Variants in PCDH9 observed in about 807,000 individuals in gnomAD.
The protein encoded by PCDH9 is protocadherin 9.
Under a neutral mutation model 70.6 loss-of-function variants are expected in PCDH9, and 24 were observed. The observed-to-expected ratio is 0.34, with a 90% CI of 0.25 to 0.48. The LOEUF (loss-of-function observed/expected upper bound fraction) is 0.48, where lower values mean the gene tolerates loss of function less well. PCDH9 is among the 20% of genes least tolerant of loss of function. The probability of loss-of-function intolerance (pLI) is 0.99; values close to 1 mark genes in which losing one functional copy is unlikely to be tolerated. For synonymous variants in PCDH9, 562 were observed against 558.5 expected (o/e 1.01, Z -0.09); for missense variants, 1,281 against 1,503.6 (o/e 0.85, Z 2.45).
intron 2 of PCDH9, among the ~76,000 whole-genome samples, chr13:67,066,574 C>T (rs1254338538): frequency 6.6e-6 from 1 of 152,096 alleles, no homozygotes; most frequent in Non-Finnish European, 1.5e-5. Context: ...GTAGAGAATG[C>T]ATGGTTCAAT....
intron 2 of PCDH9, among the ~76,000 whole-genome samples, chr13:67,158,114 C>G (rs762646115): frequency 6.6e-6 from 1 of 152,110 alleles, no homozygotes; most frequent in Non-Finnish European, 1.5e-5. Flanking sequence ...TGCAAGCTTT[C>G]GTGATACATA....
intron 4 of PCDH9, among the ~76,000 whole-genome samples, chr13:66,598,171 A>G (rs2138837178): frequency 6.6e-6 from 1 of 151,944 alleles, no homozygotes; most frequent in East Asian, 1.9e-4. Context: ...AGAAAATGGT[A>G]TGGAGTTCCT....
At chr13:66,440,495 C>T (rs1358497756) in intron 4 of PCDH9, among the ~76,000 whole-genome samples, 1 of 151,840 alleles carries the variant, frequency 6.6e-6, no homozygotes, top group Non-Finnish European at 1.5e-5. Flanking sequence ...CTACTAATAA[C>T]AAAATGTTGA....
chr13:66,560,694 G>A (rs1294014688), intron 4 of PCDH9, among the ~76,000 whole-genome samples: 1 of 152,132 alleles, frequency 6.6e-6, no homozygotes. Context: ...TTGGATTGGA[G>A]AATTGAAAAG....
At chr13:67,160,034 A>G (rs566643892) in intron 2 of PCDH9, among the ~76,000 whole-genome samples, 72 of 152,284 alleles carry the variant, frequency 4.7e-4, no homozygotes, top group African/African-American at 1.6e-3. Flanking sequence ...CAGCTCAGCG[A>G]CATTCTGAAG....
chr13:66,902,772 GCT>G (rs1340309309), intron 3 of PCDH9, among the ~76,000 whole-genome samples: 1 of 151,180 alleles, frequency 6.6e-6, no homozygotes, highest in Non-Finnish European at 1.5e-5. Context: ...CTTAAAAACG[GCT>G]CAGATAGTAA....
chr13:66,376,649 G>T (rs1268571161), intron 4 of PCDH9, among the ~76,000 whole-genome samples: 1 of 152,046 alleles, frequency 6.6e-6, no homozygotes, highest in African/African-American at 2.4e-5. Context: ...ATGTGTGACA[G>T]TTGAAGGGAA....
At position 67,170,881 on chromosome 13, in the gene PCDH9, C is replaced by T. The variant is rs556897587; in HGVS notation, c.3036+54524G>A. On this transcript the variant is annotated intron_variant, in intron 2 of 4. Coordinates refer to ENST00000377865, the MANE Select transcript of PCDH9 (RefSeq NM_203487.3). ...TGGAGGTTGCCGTGAGCCAAGATTG[C>T]GCCACTGCACTCCAGCCTCAGTGAC... Among the ~76,000 whole-genome samples the T allele has an allele frequency of 1.2e-4, 18 of 152,110 alleles. No individual in the cohort carries two copies. In the South Asian group the frequency reaches 2.9e-3, roughly 25 times the overall value.
chr13:67,119,639 C>T (rs2086840943), intron 2 of PCDH9, among the ~76,000 whole-genome samples: 1 of 152,176 alleles, frequency 6.6e-6, no homozygotes, highest in Admixed American at 6.5e-5. Context: ...TTGTTTTATG[C>T]TTTATTTTCA....
chr13:66,916,524 A>G lies in PCDH9; in HGVS notation c.3037-12919T>C, dbSNP rs2082559988. Among the ~76,000 whole-genome samples, 3 of 151,584 alleles carry G rather than the reference A, an allele frequency of 2.0e-5. No homozygotes were observed. The South Asian group carries it at 6.2e-4, about 31-fold the overall frequency. On this transcript the variant is annotated intron_variant, in intron 2 of 4. Coordinates refer to ENST00000377865, the MANE Select transcript of PCDH9 (RefSeq NM_203487.3). ...CAAAAGGGCCAATTGGATATTCTAA[A>G]AGATCAGCTAAAAAGGAGGATCTGG...
intron 3 of PCDH9, among the ~76,000 whole-genome samples, chr13:66,725,242 T>C (rs531659180): frequency 6.6e-6 from 1 of 152,212 alleles, no homozygotes; most frequent in African/African-American, 2.4e-5. Flanking sequence ...AGAATTTTAT[T>C]TAATTATGCT....
At chr13:67,182,738 G>T (rs528260441) in intron 2 of PCDH9, among the ~76,000 whole-genome samples, 1 of 151,990 alleles carries the variant, frequency 6.6e-6, no homozygotes, top group Non-Finnish European at 1.5e-5. Context: ...GTAGAATAGC[G>T]TTTACTAATT....
Position 67,227,510 on chromosome 13 carries a change from G to C in PCDH9, c.931C>G (p.Leu311Val). 1 of 1,613,634 alleles carries C rather than the reference G, an allele frequency of 6.2e-7. No homozygotes were observed. The highest frequency in any genetic ancestry group is 8.5e-7 in the Non-Finnish European group (1 of 1,179,592). The change falls in exon 2 of 5, where the codon CTG becomes GTG. Residue 311 changes from leucine (L) to valine (V), a missense_variant. By Grantham distance (32) the Leu-to-Val change is conservative. Transcript: ENST00000377865. The surrounding 1 kb of genome is among the most constrained non-coding windows in gnomAD (Gnocchi z 4.6). Reference protein sequence around the residue: ...RLFALNNTTGLITVQRSLDRE... With the variant: ...RLFALNNTTGVITVQRSLDRE... ...TCTAAGGACCTCTGAACTGTAATCA[G>C]CCCAGTAGTATTATTTAAAGCAAAG...
At chr13:67,034,709 T>C (rs918573967) in intron 2 of PCDH9, among the ~76,000 whole-genome samples, 1 of 151,808 alleles carries the variant, frequency 6.6e-6, no homozygotes, top group South Asian at 2.1e-4. Flanking sequence ...CAGGGGTATA[T>C]GTACAGGTTT....
At chr13:67,181,983 T>C (rs2088628215) in intron 2 of PCDH9, among the ~76,000 whole-genome samples, 3 of 152,180 alleles carry the variant, frequency 2.0e-5, no homozygotes, top group African/African-American at 7.2e-5. Flanking sequence ...TGACCAGTCC[T>C]TTGTGTCCTG....
chr13:66,485,928 A>G (rs1003526209), intron 4 of PCDH9, among the ~76,000 whole-genome samples: 6 of 151,998 alleles, frequency 3.9e-5, no homozygotes, highest in African/African-American at 1.2e-4. Flanking sequence ...GGGTTTCACC[A>G]TGTTGGCCAC....
intron 2 of PCDH9, among the ~76,000 whole-genome samples, chr13:67,073,508 A>T (rs2138161601): frequency 6.6e-6 from 1 of 152,240 alleles, no homozygotes; most frequent in South Asian, 2.1e-4. Context: ...GCAAAAAAAA[A>T]ATGTGTGAAT....
chr13:66,812,991 C>A (rs543602128), intron 3 of PCDH9, among the ~76,000 whole-genome samples: 1 of 152,256 alleles, frequency 6.6e-6, no homozygotes, highest in Non-Finnish European at 1.5e-5. Context: ...TCCAAAAGAG[C>A]AAACCACTCT....
Position 67,227,607 on chromosome 13 carries a change from A to G in PCDH9, c.834T>C (p.Asp278=). 1 of 1,614,114 alleles carries G rather than the reference A, an allele frequency of 6.2e-7. No individual in the cohort carries two copies. Among genetic ancestry groups the G allele is most frequent in the Non-Finnish European group, 8.5e-7 (1 of 1,179,948 alleles). ...GTSVIQLHAT[D]ADIGSNAEIR... is the part of the protein sequence containing the mutation. ...TTTCAGCATTACTGCCTATATCTGC[A>G]TCAGTGGCATGGAGCTGAATTACAG... Residue 278 remains aspartate, a synonymous_variant, in exon 2 of 5, where the codon GAT becomes GAC. Coordinates refer to ENST00000377865, the MANE Select transcript of PCDH9 (RefSeq NM_203487.3). This position sits in a 1 kb window ranked among gnomAD's most constrained non-coding sequence, Gnocchi z 4.6.
Sources: gnomAD v4.1 joint callset for allele counts (sites outside exome capture counted in the v4.1 genomes callset) on GRCh38, gnomAD v4.1.1 for gene constraint, Gnocchi (gnomAD v3.1) non-coding constraint, MANE v1.5 for transcripts, NCBI Gene and HGNC (gene_info 2026-07-23, HGNC 2026-07-21) for gene names.